Variants in SMURF2 observed in about 807,000 individuals in gnomAD.
The protein encoded by SMURF2 is SMAD specific E3 ubiquitin protein ligase 2.
SMURF2 carries 48 observed loss-of-function variants against 109.6 expected under a neutral mutation model. That is an observed-to-expected ratio of 0.44 (90% CI 0.35 to 0.56). SMURF2 has a LOEUF of 0.56. Among genes scored for constraint, SMURF2 ranks in the 20% least tolerant of loss-of-function variants. The probability of loss-of-function intolerance (pLI) is 0.01; values close to 1 mark genes in which losing one functional copy is unlikely to be tolerated. For synonymous variants in SMURF2, 288 were observed against 317.1 expected (o/e 0.91, Z 0.97); for missense variants, 575 against 909.0 (o/e 0.63, Z 4.72).
At chr17:64,599,290 G>A (rs1458524559) in intron 2 of SMURF2, among the ~76,000 whole-genome samples, 3 of 152,164 alleles carry the variant, frequency 2.0e-5, no homozygotes, top group East Asian at 3.8e-4. Context: ...AATCTAAAGT[G>A]TAGATTCTAA....
In SMURF2 at chr17:64,605,744, A is replaced by AATATATATATATATATATATAT. The variant is rs71158333; in HGVS notation, c.91+836_91+857dup. Among the ~76,000 whole-genome samples, 150 of 99,032 alleles carry AATATATATATATATATATATAT rather than the reference A, an allele frequency of 1.5e-3. 2 individuals carry two copies. Among genetic ancestry groups the AATATATATATATATATATATAT allele is most frequent in the African/African-American group, 3.1e-3 (77 of 24,922 alleles). The allele number at this position is 99,032 out of a possible 152,430, so 65.0% of individuals were successfully genotyped here. ...AGGGCAAGATCCTGTCTCTAAAAAG[A>AATATATATATATATATATATAT]ATATATATATATATATATATATATA... is the stretch of plus-strand genomic sequence containing the variant. On this transcript the variant is annotated intron_variant, in intron 2 of 18. Coordinates refer to ENST00000262435, the MANE Select transcript of SMURF2 (RefSeq NM_022739.4).
At chr17:64,605,846 G>A (rs1018447910) in intron 2 of SMURF2, among the ~76,000 whole-genome samples, 6 of 146,266 alleles carry the variant, frequency 4.1e-5, no homozygotes, top group Non-Finnish European at 6.0e-5. Flanking sequence ...CACATAGCCC[G>A]TGACTTGAAT....
chr17:64,556,797 T>G (rs1366047464), intron 13 of SMURF2, among the ~76,000 whole-genome samples: 2 of 152,236 alleles, frequency 1.3e-5, no homozygotes, highest in African/African-American at 4.8e-5. Context: ...TTTTAAATTC[T>G]TTTACCTCTC....
At chr17:64,623,346 C>G (rs1970228481) in intron 1 of SMURF2, among the ~76,000 whole-genome samples, 1 of 152,096 alleles carries the variant, frequency 6.6e-6, no homozygotes, top group Non-Finnish European at 1.5e-5. Flanking sequence ...AAAAAGTGCA[C>G]AGTAGGCATT....
Position 64,661,823 on chromosome 17 carries a change from CCT to C in SMURF2, c.52+4_52+5del. The C allele has an allele frequency of 8.2e-7, 1 of 1,222,482 alleles. No individual in the cohort carries two copies. The highest frequency in any genetic ancestry group is 1.0e-6 in the Non-Finnish European group (1 of 982,008). 75.7% of individuals were successfully genotyped at this position (1,222,482 alleles called of 1,614,324 possible). A position where few individuals can be genotyped will look rare whatever the true frequency, so the allele number is the denominator to read the frequency against. On this transcript the variant is annotated splice_donor_5th_base_variant and intron_variant, in intron 1 of 18. Transcript: ENST00000262435. ...CTGCCCAGCCCGGCCCGCCGCCCCC[CCT>C]CACCTGTCAGGCGCAGCTTGACGGG...
intron 1 of SMURF2, among the ~76,000 whole-genome samples, chr17:64,626,881 C>T (rs1201354905): frequency 6.6e-6 from 1 of 151,334 alleles, no homozygotes; most frequent in Non-Finnish European, 1.5e-5. Context: ...AACAGAAAAA[C>T]ACTTAGGAAT....
intron 12 of SMURF2, among the ~76,000 whole-genome samples, chr17:64,559,263 A>G (rs934094136): frequency 1.3e-5 from 2 of 152,164 alleles, no homozygotes; most frequent in African/African-American, 4.8e-5. Flanking sequence ...GTCACATTCC[A>G]TTTATTCTGC....
chr17:64,639,594 A>T (rs1970467726), intron 1 of SMURF2, among the ~76,000 whole-genome samples: 1 of 152,096 alleles, frequency 6.6e-6, no homozygotes, highest in East Asian at 1.9e-4. Flanking sequence ...AAAGAAAATT[A>T]AGGTTCATTA....
At position 64,545,729 on chromosome 17, in the gene SMURF2, AAAAAGG is replaced by A. The variant is rs1968940366; in HGVS notation, c.*113_*118del. ...TGTCCTAAAATGTAAAAAAAAAAAA[AAAAAGG>A]GGGGGGGGGGGAGTGTTTTCCTGTA... On this transcript the variant is annotated 3_prime_UTR_variant, in exon 19 of 19. Transcript: ENST00000262435. The A allele has an allele frequency of 5.3e-4, 121 of 227,750 alleles. No homozygotes were observed. The highest frequency in any genetic ancestry group is 8.5e-4 in the Middle Eastern group (1 of 1,170). The allele number at this position is 227,750 out of a possible 1,614,324, so 14.1% of individuals were successfully genotyped here.
At chr17:64,613,652 A>G (rs1970074877) in intron 1 of SMURF2, among the ~76,000 whole-genome samples, 1 of 125,064 alleles carries the variant, frequency 8.0e-6, no homozygotes. Context: ...GGCTTCATGG[A>G]AGACAAGTTT....
chr17:64,646,103 G>A (rs144877783), intron 1 of SMURF2, among the ~76,000 whole-genome samples: 18 of 150,464 alleles, frequency 1.2e-4, no homozygotes, highest in African/African-American at 4.4e-4. Context: ...GTCCCGCTCT[G>A]TTGCCTAGGC....
Position 64,545,687 on chromosome 17 carries a change from G to T in SMURF2, c.*161C>A. ...TTCCTTGAAAAGGAATTTCAAAATT[G>T]TCCTTTCCCCTCACAGTGTCCTAAA... On this transcript the variant is annotated 3_prime_UTR_variant, in exon 19 of 19. Coordinates refer to ENST00000262435, the MANE Select transcript of SMURF2 (RefSeq NM_022739.4). The T allele has an allele frequency of 5.0e-6, 2 of 403,176 alleles. No homozygotes were observed. The highest frequency in any genetic ancestry group is 8.5e-6 in the Non-Finnish European group (2 of 236,300). 25.0% of individuals were successfully genotyped at this position (403,176 alleles called of 1,614,324 possible).
intron 1 of SMURF2, among the ~76,000 whole-genome samples, chr17:64,615,428 A>G (rs1177147850): frequency 1.3e-5 from 2 of 152,242 alleles, no homozygotes; most frequent in East Asian, 3.8e-4. Context: ...GAAATTCAGG[A>G]TAACATTCCT....
intron 6 of SMURF2, among the ~76,000 whole-genome samples, chr17:64,583,945 G>A (rs1232965608): frequency 4.0e-5 from 6 of 151,788 alleles, no homozygotes; most frequent in Admixed American, 2.0e-4. Flanking sequence ...TTACAGGTGT[G>A]AGCCACCGCA....
Position 64,545,728 on chromosome 17 carries a change from AAAAAAGGG to A in SMURF2, c.*112_*119del. Reference sequence around the variant, plus strand: ...GTGTCCTAAAATGTAAAAAAAAAAAAAAAAAGGGGGGGGGGGGGAGTGTTTTCCTGTAT... The same window carrying A: ...GTGTCCTAAAATGTAAAAAAAAAAAAGGGGGGGGGGAGTGTTTTCCTGTAT... On this transcript the variant is annotated 3_prime_UTR_variant, in exon 19 of 19. Coordinates refer to ENST00000262435, the MANE Select transcript of SMURF2 (RefSeq NM_022739.4). 4 of 234,904 alleles carry A rather than the reference AAAAAAGGG, an allele frequency of 1.7e-5. No homozygotes were observed. Among genetic ancestry groups the A allele is most frequent in the Admixed American group, 5.9e-5 (1 of 17,094 alleles). 14.6% of individuals were successfully genotyped at this position (234,904 alleles called of 1,614,324 possible).
At chr17:64,656,732 T>G (rs1970710797) in intron 1 of SMURF2, among the ~76,000 whole-genome samples, 1 of 152,180 alleles carries the variant, frequency 6.6e-6, no homozygotes, top group African/African-American at 2.4e-5. Context: ...AATAAAAAAT[T>G]TGGAAATAAA....
chr17:64,636,602 CAAA>C (rs782425202), intron 1 of SMURF2, among the ~76,000 whole-genome samples: 1 of 38,742 alleles, frequency 2.6e-5, no homozygotes, highest in African/African-American at 8.9e-5. Flanking sequence ...GACTCTGCCT[CAAA>C]AAAAAAAAAA....
At chr17:64,582,741 G>A (rs1298498253) in intron 7 of SMURF2, among the ~76,000 whole-genome samples, 2 of 151,648 alleles carry the variant, frequency 1.3e-5, no homozygotes, top group Non-Finnish European at 2.9e-5. Context: ...TGGGATTACA[G>A]GCACCCACCA....
chr17:64,578,633 A>G, intron 8 of SMURF2, 57 bp from the exon 9 acceptor site: 1 of 1,097,160 alleles, frequency 9.1e-7, no homozygotes, highest in Non-Finnish European at 1.4e-6. Context: ...GATCAAAGAC[A>G]GTTATATACA....
Sources: allele counts gnomAD v4.1 joint callset (sites outside exome capture counted in the v4.1 genomes callset), GRCh38; gene constraint gnomAD v4.1.1; transcripts MANE v1.5; gene names NCBI Gene and HGNC (gene_info 2026-07-23, HGNC 2026-07-21).